Variants in TMEM67 observed in about 807,000 individuals in gnomAD.
TMEM67 encodes the protein transmembrane protein 67.
A neutral mutation model predicts 136.6 loss-of-function variants in TMEM67; 124 were observed. That is an observed-to-expected ratio of 0.91 (90% CI 0.78 to 1.05). The LOEUF (loss-of-function observed/expected upper bound fraction) is 1.05. Among genes scored for constraint, TMEM67 ranks in the 50% least tolerant of loss-of-function variants. The pLI is 0.00. For missense variants in TMEM67, 1,107 were observed against 1,178.4 expected, an observed-to-expected ratio of 0.94 and a Z score of 0.89; for synonymous variants, 364 against 390.5, an observed-to-expected ratio of 0.93 and a Z score of 0.80.
intron 12 of TMEM67, chr8:93,785,604 G>C: frequency 2.2e-6 from 1 of 456,328 alleles, no homozygotes; most frequent in Non-Finnish European, 3.8e-6. Context: ...CTGTTGCTGA[G>C]GGTATATCCT....
rs1364677924 is a variant in TMEM67 at position 93,755,884 on chromosome 8, T to A, written c.312+18T>A. The A allele has an allele frequency of 5.1e-6, 7 of 1,381,056 alleles. No homozygotes were observed. Among genetic ancestry groups the A allele is most frequent in the South Asian group, 1.2e-5 (1 of 80,476 alleles). 85.6% of individuals were successfully genotyped at this position (1,381,056 alleles called of 1,614,324 possible). On this transcript the variant is annotated intron_variant, in intron 2 of 27. Transcript: ENST00000453321. Reference sequence around the variant, plus strand: ...AAAACATGGTGCGCATAATTTATTTTAAAATAACTTACCTGTAAAAAGTAG... The same window carrying A: ...AAAACATGGTGCGCATAATTTATTTAAAAATAACTTACCTGTAAAAAGTAG...
At chr8:93,818,424 T>C (rs1355234634), downstream of TMEM67, among the ~76,000 whole-genome samples, 4 of 152,252 alleles carry the variant, frequency 2.6e-5, no homozygotes, top group Admixed American at 1.3e-4. Flanking sequence ...TGTAAATGCT[T>C]CCTTCTCTGG....
chr8:93,794,712 T>C (rs1211451487), intron 16 of TMEM67: 2 of 152,520 alleles, frequency 1.3e-5, no homozygotes, highest in Non-Finnish European at 2.9e-5. Context: ...TTAAGTGGGA[T>C]TATCTGTTCA....
intron 3 of TMEM67, chr8:93,759,249 C>T (rs956617000): frequency 3.3e-5 from 5 of 151,926 alleles, no homozygotes; most frequent in African/African-American, 1.2e-4. Flanking sequence ...ATTGCTTGAG[C>T]TCAAGAGTTT....
At chr8:93,793,407 G>A (rs1023360886) in intron 16 of TMEM67, 111 bp downstream of exon 16, 4 of 897,560 alleles carry the variant, frequency 4.5e-6, no homozygotes, top group Non-Finnish European at 7.2e-6. Context: ...ATTTTTCTGG[G>A]ATATGTAATT....
chr8:93,795,191 A>G (rs2130726391), intron 16 of TMEM67: 1 of 596,838 alleles, frequency 1.7e-6, no homozygotes, highest in East Asian at 2.8e-5. Flanking sequence ...AGAAGAGTTG[A>G]AAGAAGAGGC....
At position 93,755,611 on chromosome 8, in the gene TMEM67, T is replaced by G. The variant is rs186574544; in HGVS notation, c.224-167T>G. Among the ~76,000 whole-genome samples the G allele has an allele frequency of 1.2e-4, 18 of 152,290 alleles. 1 individual carries two copies. The highest frequency in any genetic ancestry group is 1.1e-3 in the Admixed American group (17 of 15,294). ...ATTACTACGATTGGAACTCAAGAAG[T>G]GTATTTCTGGATTTGAACCCAGGCA... On this transcript the variant is annotated intron_variant, in intron 1 of 27. Coordinates refer to ENST00000453321, the MANE Select transcript of TMEM67 (RefSeq NM_153704.6).
At chr8:93,755,717 G>A (rs1416622084) in intron 1 of TMEM67, 61 bp from the exon 2 acceptor site, 1 of 1,105,034 alleles carries the variant, frequency 9.0e-7, no homozygotes, top group South Asian at 1.5e-5. Context: ...CACTATCTGG[G>A]AACTTTATTT....
downstream of TMEM67, among the ~76,000 whole-genome samples, chr8:93,821,417 G>A (rs1372523453): frequency 6.6e-6 from 1 of 152,076 alleles, no homozygotes; most frequent in African/African-American, 2.4e-5. Flanking sequence ...GAGTAGTTGG[G>A]ATTACAGGCA....
Position 93,793,252 on chromosome 8 carries a change from G to A in TMEM67, c.1630G>A (p.Ala544Thr). 6.2e-7 allele frequency: 1 copy of A among 1,614,170 alleles called. No individual in the cohort carries two copies. The highest frequency in any genetic ancestry group is 8.5e-7 in the Non-Finnish European group (1 of 1,180,038). ...LAVLASLLKT[A>T]GWKRRIGSPM... ...TGTTTTAGCATCTCTTTTGAAGACAGCAGGATGGAAGAGGCGCATTGGGAG... is the reference window on the plus strand; with the variant it reads ...TGTTTTAGCATCTCTTTTGAAGACAACAGGATGGAAGAGGCGCATTGGGAG... Residue 544 changes from alanine (A) to threonine (T), a missense_variant, in exon 16 of 28, where the codon GCA (alanine) becomes ACA (threonine). This residue lies in a region of TMEM67 where 925 missense variants were observed against 1,002.4 expected (regional missense o/e 0.92). Coordinates refer to ENST00000453321, the MANE Select transcript of TMEM67 (RefSeq NM_153704.6).
At chr8:93,766,277 C>T (rs984823315) in intron 6 of TMEM67, among the ~76,000 whole-genome samples, 2 of 152,110 alleles carry the variant, frequency 1.3e-5, no homozygotes, top group African/African-American at 4.8e-5. Flanking sequence ...TGCCACTACG[C>T]CCGGCTAATT....
At chr8:93,778,095 T>C (rs1813639402) in intron 7 of TMEM67, among the ~76,000 whole-genome samples, 1 of 152,228 alleles carries the variant, frequency 6.6e-6, no homozygotes, top group Admixed American at 6.5e-5. Context: ...TTGATCCCTT[T>C]ACCATTATGT....
At chr8:93,764,907 A>C (rs958000026) in intron 4 of TMEM67, among the ~76,000 whole-genome samples, 13 of 152,222 alleles carry the variant, frequency 8.5e-5, no homozygotes, top group African/African-American at 3.1e-4. Context: ...TTCATTAATG[A>C]AAAATATGAA....
chr8:93,789,482 C>T (rs912471802), intron 14 of TMEM67, among the ~76,000 whole-genome samples: 1 of 151,456 alleles, frequency 6.6e-6, no homozygotes, highest in Non-Finnish European at 1.5e-5. Flanking sequence ...CCTGTCTCTA[C>T]TAAAAATACA....
At chr8:93,765,781 T>C (rs1586016689) in intron 6 of TMEM67, 135 bp downstream of exon 6, 1 of 707,376 alleles carries the variant, frequency 1.4e-6, no homozygotes, top group East Asian at 2.8e-5. Context: ...CTAAGAAACA[T>C]TAGTCTAATA....
intron 27 of TMEM67, among the ~76,000 whole-genome samples, chr8:93,815,648 G>C (rs1011465234): frequency 3.9e-5 from 6 of 152,128 alleles, no homozygotes; most frequent in African/African-American, 7.2e-5. Flanking sequence ...TGAAATACTG[G>C]GGTCTAGTGG....
chr8:93,784,059 A>G (rs761588988), intron 11 of TMEM67, among the ~76,000 whole-genome samples: 21 of 152,256 alleles, frequency 1.4e-4, no homozygotes, highest in Non-Finnish European at 2.9e-4. Flanking sequence ...CCATTATGGA[A>G]AGTAGATTGG....
At chr8:93,826,503 C>G in the TMEM67 span, among the ~76,000 whole-genome samples, 1 of 152,134 alleles carries the variant, frequency 6.6e-6, no homozygotes, top group Non-Finnish European at 1.5e-5. Flanking sequence ...TCTTCCTCCT[C>G]CCAAAAGAAA....
At chr8:93,810,100 C>T (rs1808642677) in intron 26 of TMEM67, 2 of 382,092 alleles carry the variant, frequency 5.2e-6, no homozygotes, top group Middle Eastern at 7.9e-4. Flanking sequence ...TCCCAAGTAG[C>T]TGGGACTACA....
Sources: allele counts gnomAD v4.1 joint callset (sites outside exome capture counted in the v4.1 genomes callset), GRCh38; gene constraint gnomAD v4.1.1; regional missense constraint gnomAD v4.1.1; transcripts MANE v1.5; gene names NCBI Gene and HGNC (gene_info 2026-07-23, HGNC 2026-07-21).